The following KCND2 variants were observed in gnomAD, a reference collection of about 807,000 sequenced individuals.
The protein encoded by KCND2 is A-type voltage-gated potassium channel KCND2.
A neutral mutation model predicts 54.4 loss-of-function variants in KCND2; 16 were observed. That is an observed-to-expected ratio of 0.29 (90% CI 0.20 to 0.45). The LOEUF (loss-of-function observed/expected upper bound fraction) is 0.45, where lower values mean the gene tolerates loss of function less well. Ranked by LOEUF, KCND2 falls within the 20% of genes least tolerant of loss-of-function variation. The pLI is 1.00. For missense variants in KCND2, 486 were observed against 824.2 expected (o/e 0.59, Z 5.02); for synonymous variants, 317 against 310.7 (o/e 1.02, Z -0.21).
At chr7:120,522,781 G>T (rs1472656367) in intron 1 of KCND2, among the ~76,000 whole-genome samples, 4 of 152,082 alleles carry the variant, frequency 2.6e-5, no homozygotes, top group Non-Finnish European at 5.9e-5. Context: ...CCAAGTCCTA[G>T]GTTCTATGTT....
chr7:120,567,823 C>T (rs771345155), intron 1 of KCND2, among the ~76,000 whole-genome samples: 8 of 151,942 alleles, frequency 5.3e-5, no homozygotes, highest in African/African-American at 1.4e-4. Context: ...GAAAAGAAAA[C>T]GAATCTTTAG....
chr7:120,503,917 C>T (rs928768323), intron 1 of KCND2, among the ~76,000 whole-genome samples: 1 of 151,932 alleles, frequency 6.6e-6, no homozygotes, highest in Non-Finnish European at 1.5e-5. Flanking sequence ...CGCAAATCCG[C>T]CTCTGCATCC....
chr7:120,501,284 C>G (rs1471495950), intron 1 of KCND2, among the ~76,000 whole-genome samples: 2 of 152,052 alleles, frequency 1.3e-5, no homozygotes, highest in African/African-American at 4.8e-5. Context: ...AGAACTTGTT[C>G]AGCAATGATG....
At chr7:120,692,660 A>C (rs1157169279) in intron 1 of KCND2, among the ~76,000 whole-genome samples, 2 of 152,202 alleles carry the variant, frequency 1.3e-5, no homozygotes, top group African/African-American at 4.8e-5. Flanking sequence ...ATTCAATAAG[A>C]AAGTGTCCTA....
At chr7:120,473,843 C>G (rs1007515821) in intron 1 of KCND2, among the ~76,000 whole-genome samples, 2 of 152,154 alleles carry the variant, frequency 1.3e-5, no homozygotes, top group African/African-American at 2.4e-5. Flanking sequence ...AAGCAAATCA[C>G]TGGATATACT....
At chr7:120,515,183 C>G (rs1460303525) in intron 1 of KCND2, among the ~76,000 whole-genome samples, 2 of 152,004 alleles carry the variant, frequency 1.3e-5, no homozygotes, top group Admixed American at 6.6e-5. Flanking sequence ...TATACTTGCT[C>G]CTGCTTTCCT....
chr7:120,665,507 G>T (rs1250733733), intron 1 of KCND2, among the ~76,000 whole-genome samples: 1 of 151,960 alleles, frequency 6.6e-6, no homozygotes, highest in Non-Finnish European at 1.5e-5. Context: ...ACAGATTCAA[G>T]TTCTTTATTT....
At chr7:120,322,807 CTG>C (rs1216530066) in intron 1 of KCND2, among the ~76,000 whole-genome samples, 1 of 151,898 alleles carries the variant, frequency 6.6e-6, no homozygotes, top group African/African-American at 2.4e-5. Flanking sequence ...AACAGAAAAT[CTG>C]TCTGAATACA....
intron 1 of KCND2, among the ~76,000 whole-genome samples, chr7:120,471,365 G>A (rs960913557): frequency 6.6e-6 from 1 of 152,062 alleles, no homozygotes; most frequent in Non-Finnish European, 1.5e-5. Flanking sequence ...GTTATGATTT[G>A]CTTGACTGGA....
At chr7:120,334,185 A>G (rs1293803087) in intron 1 of KCND2, among the ~76,000 whole-genome samples, 1 of 152,190 alleles carries the variant, frequency 6.6e-6, no homozygotes, top group Non-Finnish European at 1.5e-5. Flanking sequence ...ATGAACATTA[A>G]GAGGAGTAAA....
chr7:120,595,364 T>C (rs1434932900), intron 1 of KCND2, among the ~76,000 whole-genome samples: 1 of 149,854 alleles, frequency 6.7e-6, no homozygotes, highest in African/African-American at 2.5e-5. Flanking sequence ...GACATGAGAA[T>C]CACTTGAACC....
chr7:120,496,248 T>C (rs1186331281), intron 1 of KCND2, among the ~76,000 whole-genome samples: 1 of 152,002 alleles, frequency 6.6e-6, no homozygotes, highest in African/African-American at 2.4e-5. Context: ...GCCTCAGGCT[T>C]ACTAGGTAGA....
intron 1 of KCND2, among the ~76,000 whole-genome samples, chr7:120,447,576 A>G (rs1468092551): frequency 6.6e-6 from 1 of 152,086 alleles, no homozygotes; most frequent in Non-Finnish European, 1.5e-5. Context: ...TTCTTATGAA[A>G]GTCCTGTCTG....
chr7:120,556,798 T>G (rs1267993093), intron 1 of KCND2, among the ~76,000 whole-genome samples: 1 of 152,176 alleles, frequency 6.6e-6, no homozygotes, highest in African/African-American at 2.4e-5. Flanking sequence ...ATTTACCTCT[T>G]TAAGAGACAT....
intron 1 of KCND2, among the ~76,000 whole-genome samples, chr7:120,450,209 G>A (rs978089211): frequency 4.6e-5 from 7 of 152,134 alleles, no homozygotes; most frequent in African/African-American, 1.4e-4. Context: ...TCAAGAGATC[G>A]AGACCATCCT....
At chr7:120,288,274 C>T (rs1799377955) in intron 1 of KCND2, among the ~76,000 whole-genome samples, 1 of 152,100 alleles carries the variant, frequency 6.6e-6, no homozygotes, top group South Asian at 2.1e-4. Context: ...AGTATGAAGA[C>T]ACTCTAAATC....
At position 120,426,584 on chromosome 7, in the gene KCND2, C is replaced by CTTT. The variant is rs1563042450; in HGVS notation, c.1115+150838_1115+150840dup. On this transcript the variant is annotated intron_variant, in intron 1 of 5. Coordinates refer to ENST00000331113, the MANE Select transcript of KCND2 (RefSeq NM_012281.3). ...GATGTACGTTTTTTGTGGGGTTTTT[C>CTTT]TTTGTTTTTTTTTTTTTTTTTTTGA... is the stretch of plus-strand genomic sequence containing the variant. Among the ~76,000 whole-genome samples, 9 of 123,752 alleles carry CTTT rather than the reference C, an allele frequency of 7.3e-5. 1 individual carries two copies. The highest frequency in any genetic ancestry group is 9.3e-5 in the African/African-American group (3 of 32,346). The allele number at this position is 123,752 out of a possible 152,430, so 81.2% of individuals were successfully genotyped here.
intron 1 of KCND2, among the ~76,000 whole-genome samples, chr7:120,366,634 TC>T (rs1463351258): frequency 6.6e-6 from 1 of 151,988 alleles, no homozygotes; most frequent in East Asian, 1.9e-4. Flanking sequence ...ATGGTGCTGC[TC>T]CCCGCGTTCC....
At chr7:120,328,857 CAT>C (rs952009379) in intron 1 of KCND2, among the ~76,000 whole-genome samples, 19 of 152,180 alleles carry the variant, frequency 1.2e-4, no homozygotes, top group South Asian at 1.0e-3. Flanking sequence ...TTTCAATAAA[CAT>C]ATATTTAATA....
Sources: allele counts gnomAD v4.1 joint callset (sites outside exome capture counted in the v4.1 genomes callset), GRCh38; gene constraint gnomAD v4.1.1; transcripts MANE v1.5; gene names NCBI Gene and HGNC (gene_info 2026-07-23, HGNC 2026-07-21).